The following MTOR variants were observed in gnomAD, a reference collection of about 807,000 sequenced individuals.
MTOR encodes the protein mechanistic target of rapamycin kinase.
Under a neutral mutation model 319.8 loss-of-function variants are expected in MTOR, and 70 were observed. That is an observed-to-expected ratio of 0.22 (90% CI 0.18 to 0.27). MTOR has a LOEUF of 0.27. Ranked by LOEUF, MTOR falls within the 10% of genes least tolerant of loss-of-function variation. The pLI, the probability that MTOR is intolerant of heterozygous loss-of-function variation, is 1.00. For missense variants in MTOR, 1,890 were observed against 3,274.4 expected (o/e 0.58, Z 10.32); for synonymous variants, 1,183 against 1,211.4 (o/e 0.98, Z 0.49).
rs1361881618 is a variant in MTOR at position 11,108,243 on chromosome 1, T to C, written c.7572A>G (p.Gln2524=). Reference sequence around the variant, plus strand: ...TCGCTTGTTTGATGAGCAGCTCAACTTGCGTTGGAACATCCAAAGTGTCAT... The same window carrying C: ...TCGCTTGTTTGATGAGCAGCTCAACCTGCGTTGGAACATCCAAAGTGTCAT... ...SHDDTLDVPT[Q]VELLIKQATS... The change falls in exon 57 of 58, where the codon CAA becomes CAG. Residue 2524 remains glutamine, a synonymous_variant. Transcript: ENST00000361445. 1.2e-6 allele frequency: 2 copies of C among 1,613,960 alleles called. No individual in the cohort carries two copies. The highest frequency in any genetic ancestry group is 1.7e-5 in the Admixed American group (1 of 60,014).
At chr1:11,247,038 T>C (rs1051311672) in intron 8 of MTOR, among the ~76,000 whole-genome samples, 2 of 152,204 alleles carry the variant, frequency 1.3e-5, no homozygotes, top group Non-Finnish European at 2.9e-5. Flanking sequence ...GGTCAAATAA[T>C]CTGTCCAAAA....
chr1:11,212,677 A>C lies in MTOR; in HGVS notation c.3398+119T>G. On this transcript the variant is annotated intron_variant, in intron 22 of 57. Transcript: ENST00000361445. This position sits in a 1 kb window ranked among gnomAD's most constrained non-coding sequence, Gnocchi z 4.1. ...TAAACCTGGGATATTTCTAGACTAA[A>C]ATAATGTGAGTTGAAATAACAAAAA... The C allele has an allele frequency of 9.0e-7, 1 of 1,109,806 alleles. No individual in the cohort carries two copies. The allele number at this position is 1,109,806 out of a possible 1,614,324, so 68.7% of individuals were successfully genotyped here. A position where few individuals can be genotyped will look rare whatever the true frequency, so the allele number is the denominator to read the frequency against.
intron 54 of MTOR, chr1:11,111,684 T>C (rs1641885170): frequency 6.5e-6 from 1 of 153,268 alleles, no homozygotes; most frequent in South Asian, 2.0e-4. Context: ...ACGCAGGTTA[T>C]GGTCAATTCT....
chr1:11,200,429 A>C (rs1449826969), intron 26 of MTOR, among the ~76,000 whole-genome samples: 1 of 152,176 alleles, frequency 6.6e-6, no homozygotes, highest in Admixed American at 6.5e-5. Context: ...TTCAAAGATT[A>C]CTATGACCAC....
At chr1:11,149,822 G>C (rs1644074635) in intron 31 of MTOR, among the ~76,000 whole-genome samples, 1 of 152,166 alleles carries the variant, frequency 6.6e-6, no homozygotes, top group Non-Finnish European at 1.5e-5. Context: ...AAAGCATCTG[G>C]CATCAGTACT....
At position 11,238,368 on chromosome 1, in the gene MTOR, C is replaced by T. The variant is rs777596194; in HGVS notation, c.2002+34G>A. 5 of 1,607,630 alleles carry T rather than the reference C, an allele frequency of 3.1e-6. No individual in the cohort carries two copies. The South Asian group carries it at 5.5e-5, about 18-fold the overall frequency. On this transcript the variant is annotated intron_variant, in intron 12 of 57. Transcript: ENST00000361445. ...CTCCCAATTGTCCTAAGCTCCTTAA[C>T]TCCCCTAGATTCCTTCTGTCTGGCA...
rs2100286624 is a variant in MTOR, at chr1:11,109,302, C to A, written c.7516G>T (p.Asp2506Tyr). 1 of 1,614,112 alleles carries A rather than the reference C, an allele frequency of 6.2e-7. No individual in the cohort carries two copies. Residue 2506 changes from aspartate (D) to tyrosine (Y), a missense_variant, in exon 56 of 58, where the codon GAT becomes TAT. Asp to Tyr is a radical substitution (Grantham distance 160, BLOSUM62 -3). Transcript: ENST00000361445. This position sits in a 1 kb window ranked among gnomAD's most constrained non-coding sequence, Gnocchi z 4.0. ...ATGACACACTCACCAGTGAGCTTAT[C>A]TCGAACCCTGTTAATAATCTGGATA... ...KAIQIINRVR[D>Y]KLTGRDFSHD...
intron 10 of MTOR, among the ~76,000 whole-genome samples, chr1:11,240,834 G>A (rs992749263): frequency 6.6e-6 from 1 of 152,154 alleles, no homozygotes; most frequent in Non-Finnish European, 1.5e-5. Context: ...TAAGAACACT[G>A]TCCTTATTTT....
intron 34 of MTOR, 65 bp downstream of exon 34, chr1:11,144,583 C>T: frequency 7.2e-7 from 1 of 1,386,950 alleles, no homozygotes; most frequent in Non-Finnish European, 1.0e-6. Flanking sequence ...TGGAGGGGGG[C>T]ACTCACCCAG....
At chr1:11,193,922 G>A in intron 28 of MTOR, 1 of 962,404 alleles carries the variant, frequency 1.0e-6, no homozygotes, top group Non-Finnish European at 1.5e-6. Context: ...TGGAGTTGAG[G>A]AAAAATAGGT....
At chr1:11,154,068 C>CAAAAA (rs70977548) in intron 30 of MTOR, among the ~76,000 whole-genome samples, 244 of 13,070 alleles carry the variant, frequency 0.019, 85 homozygotes, top group Admixed American at 0.021. Flanking sequence ...GACTCTGTCT[C>CAAAAA]AAAAAAAAAA....
intron 28 of MTOR, among the ~76,000 whole-genome samples, chr1:11,183,422 T>G (rs1557814148): frequency 6.6e-6 from 1 of 152,144 alleles, no homozygotes. Flanking sequence ...TACACACCAC[T>G]GTACCTGGCT....
chr1:11,117,807 C>CGGTA lies in MTOR; in HGVS notation c.6934-725_6934-722dup, dbSNP rs544106953. ...TAGAATTTAGTGTTTAGGCTGGGCA[C>CGGTA]GGTAGCTCATGCCTGTAATCCCAGC... On this transcript the variant is annotated intron_variant, in intron 49 of 57. Coordinates refer to ENST00000361445, the MANE Select transcript of MTOR (RefSeq NM_004958.4). Among the ~76,000 whole-genome samples the CGGTA allele has an allele frequency of 5.9e-3, 903 of 152,202 alleles. 6 individuals are homozygous for CGGTA. The highest frequency in any genetic ancestry group is 7.5e-3 in the Non-Finnish European group (513 of 68,004).
chr1:11,186,391 C>T (rs1173367064), intron 28 of MTOR, among the ~76,000 whole-genome samples: 1 of 152,166 alleles, frequency 6.6e-6, no homozygotes, highest in Non-Finnish European at 1.5e-5. Flanking sequence ...CAAGGCAGTG[C>T]GGCCCAAACA....
chr1:11,123,644 T>G (rs1254767361), intron 47 of MTOR, among the ~76,000 whole-genome samples: 1 of 151,422 alleles, frequency 6.6e-6, no homozygotes, highest in Non-Finnish European at 1.5e-5. Context: ...GATTTTTTTA[T>G]TTTTTGTAGA....
At chr1:11,260,719 C>T (rs1333873107) in intron 1 of MTOR, among the ~76,000 whole-genome samples, 1 of 148,946 alleles carries the variant, frequency 6.7e-6, no homozygotes, top group African/African-American at 2.5e-5. Flanking sequence ...AGTGTCCATT[C>T]TTTTTTTTTA....
intron 28 of MTOR, chr1:11,192,273 C>T: frequency 6.2e-7 from 1 of 1,611,458 alleles, no homozygotes; most frequent in Non-Finnish European, 8.5e-7. Context: ...CTTGTAGATG[C>T]CATCTACGAC....
In MTOR at chr1:11,134,525, G is replaced by C. The variant is rs564193026; in HGVS notation, c.5131-59C>G. The C allele has an allele frequency of 1.1e-4, 158 of 1,468,362 alleles. 1 individual carries two copies. The African/African-American group carries it at 1.9e-3, about 17-fold the overall frequency. The allele number at this position is 1,468,362 out of a possible 1,614,324, so 91.0% of individuals were successfully genotyped here. A position where few individuals can be genotyped will look rare whatever the true frequency, so the allele number is the denominator to read the frequency against. On this transcript the variant is annotated intron_variant, in intron 36 of 57. Coordinates refer to ENST00000361445, the MANE Select transcript of MTOR (RefSeq NM_004958.4). ...GCTTGTGGCCCAGCTTCAGAGGAAG[G>C]GAGCTACCGTTCATCTGATAGGCAT...
intron 28 of MTOR, among the ~76,000 whole-genome samples, chr1:11,179,934 T>C (rs1557810475): frequency 1.3e-5 from 2 of 152,306 alleles, no homozygotes; most frequent in East Asian, 1.9e-4. Context: ...TGTTTTGAGA[T>C]AGTGTCTTGT....
Sources: allele counts gnomAD v4.1 joint callset (sites outside exome capture counted in the v4.1 genomes callset), GRCh38; gene constraint gnomAD v4.1.1; non-coding constraint Gnocchi (gnomAD v3.1); transcripts MANE v1.5; gene names NCBI Gene and HGNC (gene_info 2026-07-23, HGNC 2026-07-21).